Variants in RAMP3 observed in about 807,000 individuals in gnomAD.
RAMP3 encodes the protein receptor activity-modifying protein 3.
Under a neutral mutation model 13.5 loss-of-function variants are expected in RAMP3, and 14 were observed. The observed-to-expected ratio is 1.04, with a 90% CI of 0.69 to 1.63. RAMP3 has a LOEUF of 1.63. RAMP3 is among the 40% of genes most tolerant of loss of function. The pLI is 0.00. For synonymous variants in RAMP3, 106 were observed against 88.3 expected, an observed-to-expected ratio of 1.20 and a Z score of -1.12; for missense variants, 200 against 204.8, an observed-to-expected ratio of 0.98 and a Z score of 0.14.
intron 2 of RAMP3, among the ~76,000 whole-genome samples, chr7:45,181,065 A>G (rs1385111630): frequency 3.3e-5 from 5 of 152,228 alleles, no homozygotes; most frequent in African/African-American, 1.2e-4. Context: ...TGTGCCAGGC[A>G]CTTGCTGGGG....
intron 1 of RAMP3, among the ~76,000 whole-genome samples, chr7:45,173,256 T>G (rs1786114757): frequency 6.6e-6 from 1 of 152,222 alleles, no homozygotes; most frequent in African/African-American, 2.4e-5. Flanking sequence ...AGAAAGTTTG[T>G]CCAGACGTCT....
At position 45,183,481 on chromosome 7, in the gene RAMP3, G is replaced by A. The variant is rs1049137367; in HGVS notation, c.*69G>A. 35 of 1,579,318 alleles carry A rather than the reference G, an allele frequency of 2.2e-5. No homozygotes were observed. Among genetic ancestry groups the A allele is most frequent in the African/African-American group, 9.4e-5 (7 of 74,592 alleles). On this transcript the variant is annotated 3_prime_UTR_variant, in exon 3 of 3. Coordinates refer to ENST00000242249, the MANE Select transcript of RAMP3 (RefSeq NM_005856.3). ...GAAAGTTCCCTGGGGATGGGAGAGC[G>A]GGTGGGTGCTGCCAATCTCCAGCTA...
rs202162694 is a variant in RAMP3, at chr7:45,166,958, C to CTTTTTTTTTTTTTTTTTTTTT, written c.58+9089_58+9090insTTTTTTTTTTTTTTTTTTTTT. 3.0e-5 allele frequency among the ~76,000 whole-genome samples: 3 copies of CTTTTTTTTTTTTTTTTTTTTT among 101,264 alleles called. 1 individual carries two copies. The highest frequency in any genetic ancestry group is 4.5e-5 in the African/African-American group (1 of 22,036). The allele number at this position is 101,264 out of a possible 152,430, so 66.4% of individuals were successfully genotyped here. On this transcript the variant is annotated intron_variant, in intron 1 of 2. Coordinates refer to ENST00000242249, the MANE Select transcript of RAMP3 (RefSeq NM_005856.3). ...TAGCTCTACATGTAGGTCTTTGATGCTTTTTTTTTTTTTTTTTGAGACAGA... is the reference window on the plus strand; with the variant it reads ...TAGCTCTACATGTAGGTCTTTGATGCTTTTTTTTTTTTTTTTTTTTTTTTTTTTTTTTTTTTTTGAGACAGA...
chr7:45,160,930 G>T (rs559266140), intron 1 of RAMP3, among the ~76,000 whole-genome samples: 1 of 152,354 alleles, frequency 6.6e-6, no homozygotes, highest in East Asian at 1.9e-4. Flanking sequence ...GTCAGGTTTT[G>T]CTGGGAGCCC....
chr7:45,177,033 G>A (rs1786201183), intron 1 of RAMP3, among the ~76,000 whole-genome samples: 1 of 152,232 alleles, frequency 6.6e-6, no homozygotes. Flanking sequence ...TTGGCCCAGG[G>A]TCTCACTGCC....
At chr7:45,172,601 G>A (rs896789463) in intron 1 of RAMP3, among the ~76,000 whole-genome samples, 2 of 152,162 alleles carry the variant, frequency 1.3e-5, no homozygotes, top group Non-Finnish European at 2.9e-5. Flanking sequence ...TCAGCTTCCC[G>A]AGTAGGTGGG....
At chr7:45,162,829 AG>A (rs1236161180) in intron 1 of RAMP3, among the ~76,000 whole-genome samples, 4 of 152,160 alleles carry the variant, frequency 2.6e-5, no homozygotes, top group Non-Finnish European at 4.4e-5. Flanking sequence ...TGTCAGGGTC[AG>A]GGGCAGAGCC....
Position 45,184,078 on chromosome 7 carries a change from G to T in RAMP3, c.*666G>T. The T allele has an allele frequency of 2.5e-6, 1 of 400,974 alleles. No individual in the cohort carries two copies. Among genetic ancestry groups the T allele is most frequent in the East Asian group, 3.6e-5 (1 of 28,100 alleles). The allele number at this position is 400,974 out of a possible 1,614,324, so 24.8% of individuals were successfully genotyped here. ...GTGTCCATGACCAGAGGCTGGAGTG[G>T]GGGTGTGTTAGAGCCCCTCACCGGG... is the stretch of plus-strand genomic sequence containing the variant. On this transcript the variant is annotated 3_prime_UTR_variant, in exon 3 of 3. Transcript: ENST00000242249.
intron 2 of RAMP3, among the ~76,000 whole-genome samples, chr7:45,177,961 G>A (rs916216690): frequency 2.0e-5 from 3 of 151,130 alleles, no homozygotes; most frequent in African/African-American, 4.9e-5. Context: ...GCTCTGCCTG[G>A]AGGGTGCCCT....
At position 45,161,954 on chromosome 7, in the gene RAMP3, C is replaced by G. The variant is rs56064539; in HGVS notation, c.58+4068C>G. Among the ~76,000 whole-genome samples, 1,493 of 152,066 alleles carry G rather than the reference C, an allele frequency of 9.8e-3. 24 individuals are homozygous for G. The highest frequency in any genetic ancestry group is 0.034 in the African/African-American group (1,420 of 41,482). ...GCTGAGAGAATCTGTTAGGGAGTGACGCCAGACCCAGGGGTGAGGACAGGA... is the reference window on the plus strand; with the variant it reads ...GCTGAGAGAATCTGTTAGGGAGTGAGGCCAGACCCAGGGGTGAGGACAGGA... On this transcript the variant is annotated intron_variant, in intron 1 of 2. Transcript: ENST00000242249.
At chr7:45,159,660 C>T (rs1785826759) in intron 1 of RAMP3, among the ~76,000 whole-genome samples, 2 of 152,268 alleles carry the variant, frequency 1.3e-5, no homozygotes, top group Admixed American at 1.3e-4. Flanking sequence ...CCTCAGTTTC[C>T]GAGCTGCAAT....
Position 45,181,903 on chromosome 7 carries a change from C to G in RAMP3, c.192-1254C>G, listed in dbSNP as rs1011431745. On this transcript the variant is annotated intron_variant, in intron 2 of 2. Transcript: ENST00000242249. ...GGAAAGGCACAGGTGTGTGTCTGACCTACATTCCAAGGTGCTGAGAGCCAG... is the reference window on the plus strand; with the variant it reads ...GGAAAGGCACAGGTGTGTGTCTGACGTACATTCCAAGGTGCTGAGAGCCAG... Among the ~76,000 whole-genome samples the G allele has an allele frequency of 2.6e-5, 4 of 152,286 alleles. No homozygotes were observed. In the South Asian group the frequency reaches 8.3e-4, roughly 32 times the overall value.
At chr7:45,174,541 C>A (rs1357829682) in intron 1 of RAMP3, among the ~76,000 whole-genome samples, 1 of 152,154 alleles carries the variant, frequency 6.6e-6, no homozygotes, top group Non-Finnish European at 1.5e-5. Flanking sequence ...CCCGATGGGG[C>A]CTGTGCATTT....
intron 1 of RAMP3, among the ~76,000 whole-genome samples, chr7:45,165,730 A>T (rs1033486716): frequency 6.6e-6 from 1 of 152,128 alleles, no homozygotes; most frequent in African/African-American, 2.4e-5. Context: ...GGAATCACTA[A>T]TATGTTTTCT....
At chr7:45,177,520 G>T in intron 2 of RAMP3, 79 bp downstream of exon 2, 1 of 1,589,340 alleles carries the variant, frequency 6.3e-7, no homozygotes, top group South Asian at 1.1e-5. Flanking sequence ...ACCACAGCCT[G>T]ACCGCACTCT....
intron 1 of RAMP3, among the ~76,000 whole-genome samples, chr7:45,158,825 G>A (rs1207035867): frequency 6.6e-6 from 1 of 152,252 alleles, no homozygotes. Context: ...CCATTGAAGA[G>A]GTCTTGGTGT....
At chr7:45,178,206 T>A (rs897310469) in intron 2 of RAMP3, among the ~76,000 whole-genome samples, 1 of 152,110 alleles carries the variant, frequency 6.6e-6, no homozygotes, top group Non-Finnish European at 1.5e-5. Context: ...TGGGTTCCAA[T>A]GGTTTATATC....
chr7:45,164,589 T>C (rs1785922912), intron 1 of RAMP3, among the ~76,000 whole-genome samples: 1 of 152,208 alleles, frequency 6.6e-6, no homozygotes, highest in South Asian at 2.1e-4. Context: ...GGATTTGTCA[T>C]TTTCTTTTTG....
intron 1 of RAMP3, among the ~76,000 whole-genome samples, chr7:45,165,756 T>C (rs992075721): frequency 6.6e-6 from 1 of 152,234 alleles, no homozygotes; most frequent in South Asian, 2.1e-4. Context: ...TAGATTTGCT[T>C]GTTCTGCACA....
Sources: gnomAD v4.1 joint callset for allele counts (sites outside exome capture counted in the v4.1 genomes callset) on GRCh38, gnomAD v4.1.1 for gene constraint, MANE v1.5 for transcripts, NCBI Gene and HGNC (gene_info 2026-07-23, HGNC 2026-07-21) for gene names.